Variants in CCSER1 observed in about 807,000 individuals in gnomAD.
CCSER1 encodes the protein serine-rich coiled-coil domain-containing protein 1.
In CCSER1, 41 loss-of-function variants were observed where a neutral mutation model predicts 82.0. The ratio of observed to expected loss-of-function variants is 0.50; its 90% confidence interval spans 0.39 to 0.65. The LOEUF (loss-of-function observed/expected upper bound fraction) is 0.65. Ranked by LOEUF, CCSER1 falls within the 30% of genes least tolerant of loss-of-function variation. CCSER1 has a pLI of 0.00. For missense variants in CCSER1, 1,119 were observed against 1,064.2 expected (o/e 1.05, Z -0.72); for synonymous variants, 414 against 383.9 (o/e 1.08, Z -0.92).
intron 7 of CCSER1, among the ~76,000 whole-genome samples, chr4:90,794,577 T>A (rs1028288095): frequency 3.3e-5 from 5 of 152,182 alleles, no homozygotes. Context: ...TGTATCATAG[T>A]TTGAAGTTGG....
chr4:91,514,651 C>A (rs547501526), intron 10 of CCSER1, among the ~76,000 whole-genome samples: 1 of 152,040 alleles, frequency 6.6e-6, no homozygotes, highest in South Asian at 2.1e-4. Context: ...TTTGGATTAG[C>A]TTATGTGATT....
chr4:91,365,685 A>T (rs1319274712), intron 10 of CCSER1, among the ~76,000 whole-genome samples: 1 of 152,196 alleles, frequency 6.6e-6, no homozygotes, highest in African/African-American at 2.4e-5. Context: ...CATCTGGAAA[A>T]CATTTAGGGA....
In CCSER1 at chr4:90,550,380, A is replaced by T. The variant is rs183175794; in HGVS notation, c.1725-77645A>T. Among the ~76,000 whole-genome samples the T allele has an allele frequency of 3.9e-4, 60 of 152,242 alleles. No individual in the cohort carries two copies. The South Asian group carries it at 4.8e-3, about 12-fold the overall frequency. ...GACTTTCATGAAATTTATTTTCTTT[A>T]TTTACTTAGTAATCCTATTAGTTCC... On this transcript the variant is annotated intron_variant, in intron 5 of 10. Coordinates refer to ENST00000509176, the MANE Select transcript of CCSER1 (RefSeq NM_001145065.2).
intron 4 of CCSER1, among the ~76,000 whole-genome samples, chr4:90,421,202 A>G (rs1302581324): frequency 6.6e-6 from 1 of 152,136 alleles, no homozygotes; most frequent in Non-Finnish European, 1.5e-5. Context: ...CATACTAAAA[A>G]CAATTATAGA....
chr4:91,235,171 T>C (rs1049190830), intron 10 of CCSER1, among the ~76,000 whole-genome samples: 1 of 152,096 alleles, frequency 6.6e-6, no homozygotes, highest in Non-Finnish European at 1.5e-5. Context: ...TGAGATATTG[T>C]ATTCCTAAAA....
rs112352496 is a variant in CCSER1, at chr4:90,719,566, T to G, written c.1933-4348T>G. Among the ~76,000 whole-genome samples, 885 of 152,272 alleles carry G rather than the reference T, an allele frequency of 5.8e-3. 7 individuals carry two copies. Among genetic ancestry groups the G allele is most frequent in the African/African-American group, 0.017 (718 of 41,560 alleles). On this transcript the variant is annotated intron_variant, in intron 6 of 10. Transcript: ENST00000509176. Reference sequence around the variant, plus strand: ...TATTATTGTTGTTCGCCATGCTTTCTCAGTGAAAGTTTCTCACACTTTTCT... The same window carrying G: ...TATTATTGTTGTTCGCCATGCTTTCGCAGTGAAAGTTTCTCACACTTTTCT...
chr4:90,872,264 A>G (rs536743489), intron 8 of CCSER1, among the ~76,000 whole-genome samples: 2 of 150,388 alleles, frequency 1.3e-5, no homozygotes, highest in African/African-American at 2.4e-5. Context: ...CCTTCCTTTT[A>G]TCCTTCTTCC....
chr4:91,190,027 A>G (rs1734872034), intron 10 of CCSER1, among the ~76,000 whole-genome samples: 1 of 152,114 alleles, frequency 6.6e-6, no homozygotes, highest in Non-Finnish European at 1.5e-5. Context: ...AGTCTTGTGG[A>G]TTTCTCTTTG....
chr4:91,237,094 G>A (rs932079541), intron 10 of CCSER1, among the ~76,000 whole-genome samples: 1 of 152,096 alleles, frequency 6.6e-6, no homozygotes, highest in African/African-American at 2.4e-5. Flanking sequence ...TACTTTCTTT[G>A]TAGGTTATAT....
At chr4:90,431,069 T>C (rs1758212269) in intron 4 of CCSER1, among the ~76,000 whole-genome samples, 1 of 152,020 alleles carries the variant, frequency 6.6e-6, no homozygotes, top group Non-Finnish European at 1.5e-5. Context: ...AAGATTCATG[T>C]TTCATTTTAG....
chr4:90,957,504 TATATA>T (rs1299896469), intron 9 of CCSER1, among the ~76,000 whole-genome samples: 12 of 120,658 alleles, frequency 9.9e-5, no homozygotes, highest in East Asian at 2.6e-4. Flanking sequence ...TATATAATAT[TATATA>T]ATATAACATA....
chr4:90,523,851 A>G (rs1036569477), intron 5 of CCSER1, among the ~76,000 whole-genome samples: 1 of 152,172 alleles, frequency 6.6e-6, no homozygotes, highest in African/African-American at 2.4e-5. Flanking sequence ...GCCAGTAATA[A>G]TAATTATAGG....
chr4:91,405,674 TCTAAGCACAGGATA>T (rs1433293863), intron 10 of CCSER1, among the ~76,000 whole-genome samples: 2 of 152,162 alleles, frequency 1.3e-5, no homozygotes, highest in African/African-American at 4.8e-5. Flanking sequence ...GACCCTCCAA[TCTAAGCACAGGATA>T]TAATCTCCTG....
chr4:90,730,414 A>G (rs902767591), intron 7 of CCSER1, among the ~76,000 whole-genome samples: 5 of 152,140 alleles, frequency 3.3e-5, no homozygotes, highest in Non-Finnish European at 5.9e-5. Flanking sequence ...TAAGCCATCT[A>G]TGCATTCAAG....
intron 7 of CCSER1, among the ~76,000 whole-genome samples, chr4:90,760,445 A>G (rs901563069): frequency 5.3e-5 from 8 of 152,040 alleles, no homozygotes; most frequent in Admixed American, 3.9e-4. Context: ...ACTTAATATC[A>G]TAATTGTAAA....
At chr4:91,450,723 A>G (rs1041485880) in intron 10 of CCSER1, among the ~76,000 whole-genome samples, 11 of 151,984 alleles carry the variant, frequency 7.2e-5, no homozygotes, top group African/African-American at 2.7e-4. Context: ...ATTGCACAAG[A>G]GAGCTCAGAG....
chr4:90,487,843 T>C (rs1429389617), intron 5 of CCSER1, among the ~76,000 whole-genome samples: 3 of 152,172 alleles, frequency 2.0e-5, no homozygotes, highest in South Asian at 2.1e-4. Context: ...AGTTTCACCA[T>C]GTTGGCCAGG....
At chr4:90,247,963 CT>C (rs1291243722) in intron 1 of CCSER1, among the ~76,000 whole-genome samples, 3 of 151,848 alleles carry the variant, frequency 2.0e-5, no homozygotes, top group Non-Finnish European at 4.4e-5. Context: ...GCCAATATAT[CT>C]TTTTTGGGTC....
chr4:90,623,051 G>A (rs566849873), intron 5 of CCSER1, among the ~76,000 whole-genome samples: 143 of 133,712 alleles, frequency 1.1e-3, no homozygotes, highest in Non-Finnish European at 2.0e-3. Context: ...TTTTTGAGAC[G>A]GAGCCTCCCT....
Sources: gnomAD v4.1 joint callset for allele counts (sites outside exome capture counted in the v4.1 genomes callset) on GRCh38, gnomAD v4.1.1 for gene constraint, MANE v1.5 for transcripts, NCBI Gene and HGNC (gene_info 2026-07-23, HGNC 2026-07-21) for gene names.